The following ZDHHC20 variants were observed in gnomAD, a reference collection of about 807,000 sequenced individuals.
The protein encoded by ZDHHC20 is zDHHC palmitoyltransferase 20.
ZDHHC20 carries 43 observed loss-of-function variants against 57.8 expected under a neutral mutation model. That is an observed-to-expected ratio of 0.74 (90% CI 0.58 to 0.96). The LOEUF (loss-of-function observed/expected upper bound fraction) is 0.96, where lower values mean the gene tolerates loss of function less well. Among genes scored for constraint, ZDHHC20 ranks in the 40% least tolerant of loss-of-function variants. The pLI is 0.00. For synonymous variants in ZDHHC20, 157 were observed against 153.0 expected (o/e 1.03, Z -0.19); for missense variants, 391 against 441.1 (o/e 0.89, Z 1.02).
intron 7 of ZDHHC20, among the ~76,000 whole-genome samples, chr13:21,396,711 T>C (rs989097115): frequency 5.3e-5 from 8 of 151,884 alleles, no homozygotes; most frequent in African/African-American, 9.7e-5. Context: ...TGCATGCCTG[T>C]AGTCCCAGCT....
intron 4 of ZDHHC20, among the ~76,000 whole-genome samples, chr13:21,413,253 T>C (rs1879475130): frequency 6.6e-6 from 1 of 152,166 alleles, no homozygotes; most frequent in Non-Finnish European, 1.5e-5. Flanking sequence ...TTCTTCCTAT[T>C]TGTGTCTCTT....
chr13:21,377,697 G>A (rs372404386), intron 12 of ZDHHC20: 3 of 189,878 alleles, frequency 1.6e-5, no homozygotes, highest in East Asian at 1.8e-4. Context: ...ATCTGACTCC[G>A]TCCTGGGTCT....
chr13:21,406,862 T>C (rs1471224632), intron 4 of ZDHHC20, among the ~76,000 whole-genome samples: 1 of 152,210 alleles, frequency 6.6e-6, no homozygotes, highest in Non-Finnish European at 1.5e-5. Context: ...CATGTGTCTT[T>C]ACAGAATGAT....
At chr13:21,451,127 T>C (rs1460522133) in intron 1 of ZDHHC20, among the ~76,000 whole-genome samples, 1 of 152,162 alleles carries the variant, frequency 6.6e-6, no homozygotes, top group East Asian at 1.9e-4. Flanking sequence ...AGGATAAGAT[T>C]TAGGGAAATA....
intron 1 of ZDHHC20, among the ~76,000 whole-genome samples, chr13:21,427,623 C>T (rs1881411778): frequency 6.6e-6 from 1 of 152,024 alleles, no homozygotes; most frequent in South Asian, 2.1e-4. Context: ...CACTTGAGGT[C>T]AGGAATTCGA....
chr13:21,409,561 A>G (rs1329676506), intron 4 of ZDHHC20, among the ~76,000 whole-genome samples: 1 of 151,606 alleles, frequency 6.6e-6, no homozygotes, highest in African/African-American at 2.4e-5. Context: ...AGAGTCCCAT[A>G]TTTCTTGGAG....
At chr13:21,397,586 G>A (rs1409070) in intron 7 of ZDHHC20, among the ~76,000 whole-genome samples, 26,320 of 151,758 alleles carry the variant, frequency 0.17, 2,785 homozygotes, top group Non-Finnish European at 0.25. Context: ...GCTTGAGCCT[G>A]GGAGATTGAA....
At chr13:21,436,677 C>T (rs1185845253) in intron 1 of ZDHHC20, among the ~76,000 whole-genome samples, 3 of 152,292 alleles carry the variant, frequency 2.0e-5, no homozygotes, top group Non-Finnish European at 4.4e-5. Context: ...TCCCTATTTC[C>T]GGAGACACAA....
At chr13:21,413,881 G>T in intron 3 of ZDHHC20, 109 bp from the exon 4 acceptor site, 1 of 843,716 alleles carries the variant, frequency 1.2e-6, no homozygotes, top group South Asian at 1.8e-5. Context: ...ATTTTATGAA[G>T]ACAAAACTTG....
At position 21,374,994 on chromosome 13, in the gene ZDHHC20, C is replaced by T; in HGVS notation, c.*1702G>A. ...TCTAAAAATGTGAAAATTAGCCGGG[C>T]ATGGTGGCATGAGCCTGTAATCCCA... On this transcript the variant is annotated 3_prime_UTR_variant, in exon 13 of 13. Coordinates refer to ENST00000400590, the MANE Select transcript of ZDHHC20 (RefSeq NM_001330059.2). 2.6e-6 allele frequency: 1 copy of T among 380,554 alleles called. No homozygotes were observed. Among genetic ancestry groups the T allele is most frequent in the Non-Finnish European group, 5.1e-6 (1 of 195,496 alleles). 23.6% of individuals were successfully genotyped at this position (380,554 alleles called of 1,614,324 possible). A position where few individuals can be genotyped will look rare whatever the true frequency, so the allele number is the denominator to read the frequency against.
rs953163975 is a variant in ZDHHC20, at chr13:21,385,484, T to C, written c.854+2024A>G. 6.6e-5 allele frequency among the ~76,000 whole-genome samples: 10 copies of C among 152,132 alleles called. No homozygotes were observed. In the East Asian group the frequency reaches 7.7e-4, roughly 12 times the overall value. Reference sequence around the variant, plus strand: ...TAAGTGAAAGATTCATTGGAGGAGCTTACCAGCAGGCTAGACATTATAGAA... The same window carrying C: ...TAAGTGAAAGATTCATTGGAGGAGCCTACCAGCAGGCTAGACATTATAGAA... On this transcript the variant is annotated intron_variant, in intron 9 of 12. Coordinates refer to ENST00000400590, the MANE Select transcript of ZDHHC20 (RefSeq NM_001330059.2).
Position 21,459,259 on chromosome 13 carries a change from C to T in ZDHHC20, c.-88G>A. 2 of 1,047,042 alleles carry T rather than the reference C, an allele frequency of 1.9e-6. No individual in the cohort carries two copies. The highest frequency in any genetic ancestry group is 3.1e-5 in the East Asian group (1 of 32,642). The allele number at this position is 1,047,042 out of a possible 1,614,324, so 64.9% of individuals were successfully genotyped here. ...ACGGTGACTCGGACGCTCCAGGCGG[C>T]TGCTGGTCCAGCTCCCCCGCCTCCG... On this transcript the variant is annotated 5_prime_UTR_variant, in exon 1 of 13. Coordinates refer to ENST00000400590, the MANE Select transcript of ZDHHC20 (RefSeq NM_001330059.2).
chr13:21,427,852 A>C (rs1331780383), intron 1 of ZDHHC20, among the ~76,000 whole-genome samples: 1 of 151,734 alleles, frequency 6.6e-6, no homozygotes, highest in Non-Finnish European at 1.5e-5. Flanking sequence ...AAAAAAAAAA[A>C]AAACCAAACC....
At chr13:21,434,757 C>T (rs1424876941) in intron 1 of ZDHHC20, among the ~76,000 whole-genome samples, 1 of 145,620 alleles carries the variant, frequency 6.9e-6, no homozygotes, top group African/African-American at 2.5e-5. Context: ...AATCGCTACC[C>T]ATTAGCACAC....
At chr13:21,425,306 TCTC>T (rs1240763484) in intron 2 of ZDHHC20, among the ~76,000 whole-genome samples, 1 of 152,094 alleles carries the variant, frequency 6.6e-6, no homozygotes, top group African/African-American at 2.4e-5. Flanking sequence ...AGCAGAATTG[TCTC>T]CTCAACCTAG....
At chr13:21,417,599 C>A (rs1880141010) in intron 3 of ZDHHC20, among the ~76,000 whole-genome samples, 1 of 152,014 alleles carries the variant, frequency 6.6e-6, no homozygotes, top group South Asian at 2.1e-4. Context: ...GCCACCACAC[C>A]CGGCTAATTT....
chr13:21,376,840 T>G, intron 12 of ZDHHC20, 185 bp from the exon 13 acceptor site: 1 of 375,308 alleles, frequency 2.7e-6, no homozygotes, highest in Non-Finnish European at 4.9e-6. Context: ...GGTATTACTG[T>G]CTTCCCCAGA....
intron 12 of ZDHHC20, chr13:21,377,935 C>G (rs933398737): frequency 6.6e-6 from 1 of 152,326 alleles, no homozygotes; most frequent in Non-Finnish European, 1.5e-5. Flanking sequence ...GTGTCTTTTA[C>G]AAACCATATA....
chr13:21,384,018 T>C (rs1873966860), intron 9 of ZDHHC20, among the ~76,000 whole-genome samples: 1 of 151,954 alleles, frequency 6.6e-6, no homozygotes, highest in Non-Finnish European at 1.5e-5. Flanking sequence ...AACTGTGGTC[T>C]CAGAACAAAG....
Sources: allele counts gnomAD v4.1 joint callset (sites outside exome capture counted in the v4.1 genomes callset), GRCh38; gene constraint gnomAD v4.1.1; transcripts MANE v1.5; gene names NCBI Gene and HGNC (gene_info 2026-07-23, HGNC 2026-07-21).